CDO1: variants seen among roughly 807,000 people sequenced by gnomAD.
CDO1 encodes cysteine dioxygenase, type I.
A neutral mutation model predicts 24.5 loss-of-function variants in CDO1; 19 were observed. The observed-to-expected ratio is 0.77, with a 90% CI of 0.54 to 1.14. CDO1 has a LOEUF of 1.14. CDO1 is among the 50% of genes most tolerant of loss of function. The probability of loss-of-function intolerance (pLI) is 0.00; values close to 1 mark genes in which losing one functional copy is unlikely to be tolerated. For synonymous variants in CDO1, 91 were observed against 87.0 expected (o/e 1.05, Z -0.26); for missense variants, 244 against 244.8 (o/e 1.00, Z 0.02).
chr5:115,815,266 T>C (rs980451503), intron 1 of CDO1, among the ~76,000 whole-genome samples: 1 of 152,138 alleles, frequency 6.6e-6, no homozygotes, highest in Non-Finnish European at 1.5e-5. Context: ...TCAGAAAAAG[T>C]AGAACCTCTC....
chr5:115,807,063 T>C (rs910287080), intron 3 of CDO1, among the ~76,000 whole-genome samples: 1 of 152,184 alleles, frequency 6.6e-6, no homozygotes, highest in East Asian at 1.9e-4. Context: ...GTCTAGTCTC[T>C]AGAAAGAGTG....
At chr5:115,815,754 G>A (rs1342693850) in intron 1 of CDO1, among the ~76,000 whole-genome samples, 1 of 152,186 alleles carries the variant, frequency 6.6e-6, no homozygotes, top group African/African-American at 2.4e-5. Flanking sequence ...GTGCTCCCCT[G>A]GGAGCACCCT....
chr5:115,810,074 T>C (rs934125799), intron 3 of CDO1, among the ~76,000 whole-genome samples: 3 of 152,224 alleles, frequency 2.0e-5, no homozygotes, highest in African/African-American at 7.2e-5. Flanking sequence ...AAAGTAATTA[T>C]TCTGAAAGGT....
intron 3 of CDO1, among the ~76,000 whole-genome samples, chr5:115,807,370 A>G (rs1241821936): frequency 6.6e-6 from 1 of 152,232 alleles, no homozygotes; most frequent in Non-Finnish European, 1.5e-5. Flanking sequence ...AGGGTTACCA[A>G]TTAATTTTTT....
intron 3 of CDO1, among the ~76,000 whole-genome samples, chr5:115,810,008 AG>A (rs1266278155): frequency 6.6e-6 from 1 of 152,152 alleles, no homozygotes; most frequent in Non-Finnish European, 1.5e-5. Flanking sequence ...ACCTTTAAAA[AG>A]CTTACCTATT....
At chr5:115,813,663 A>C (rs1371566130) in intron 1 of CDO1, among the ~76,000 whole-genome samples, 1 of 151,730 alleles carries the variant, frequency 6.6e-6, no homozygotes, top group South Asian at 2.1e-4. Flanking sequence ...CTAAATCAAG[A>C]CTTGAGAAAC....
rs1441453169 is a variant in CDO1, at chr5:115,816,444, G to GGAGGAGCTGAGCGAGCC, written c.-64_-48dup. On this transcript the variant is annotated 5_prime_UTR_variant, in exon 1 of 5. Transcript: ENST00000250535. ...GCGCGTCTCACTGCTGGGCTGCGGT[G>GGAGGAGCTGAGCGAGCC]GAGGAGCTGAGCGAGCCAAGGAGCT... is the stretch of plus-strand genomic sequence containing the variant. 9.4e-6 allele frequency: 15 copies of GGAGGAGCTGAGCGAGCC among 1,601,640 alleles called. No individual in the cohort carries two copies. Among genetic ancestry groups the GGAGGAGCTGAGCGAGCC allele is most frequent in the Non-Finnish European group, 1.3e-5 (15 of 1,176,662 alleles).
In CDO1 at chr5:115,816,385, C is replaced by G. The variant is rs778876573; in HGVS notation, c.13G>C (p.Glu5Gln). The change falls in exon 1 of 5, where the codon GAA (glutamate) becomes CAA (glutamine). Residue 5 changes from glutamate to glutamine, a missense_variant. Glu to Gln is a conservative substitution (Grantham distance 29). Transcript: ENST00000250535. The stretch of plus-strand genomic sequence containing the variant: ...GCCAGGGTCCGTGGCTTCAGCACTT[C>G]GGTCTGTTCCATCTCGTGGGGAGCT... MEQT[E>Q]VLKPRTLADL... The G allele has an allele frequency of 2.5e-6, 4 of 1,613,290 alleles. No individual in the cohort carries two copies. The highest frequency in any genetic ancestry group is 2.2e-5 in the East Asian group (1 of 44,862).
chr5:115,811,839 A>C (rs1351852015), intron 2 of CDO1, among the ~76,000 whole-genome samples: 1 of 152,178 alleles, frequency 6.6e-6, no homozygotes, highest in Non-Finnish European at 1.5e-5. Flanking sequence ...TATGTGTATT[A>C]CCATCCTAAA....
Position 115,816,457 on chromosome 5 carries a change from G to C in CDO1, c.-60C>G. ...CTGGGCTGCGGTGGAGGAGCTGAGC[G>C]AGCCAAGGAGCTGGGGGCGAGGGAG... On this transcript the variant is annotated 5_prime_UTR_variant, in exon 1 of 5. Coordinates refer to ENST00000250535, the MANE Select transcript of CDO1 (RefSeq NM_001801.3). 1 of 1,580,910 alleles carries C rather than the reference G, an allele frequency of 6.3e-7. No homozygotes were observed. The highest frequency in any genetic ancestry group is 1.7e-5 in the Admixed American group (1 of 59,512).
intron 1 of CDO1, chr5:115,814,333 C>G (rs985280478): frequency 6.6e-6 from 1 of 152,180 alleles, no homozygotes; most frequent in East Asian, 1.9e-4. Context: ...CCTAATTCTT[C>G]CTCCAGAAGT....
At chr5:115,809,407 TCTC>T (rs1760090404) in intron 3 of CDO1, among the ~76,000 whole-genome samples, 1 of 152,008 alleles carries the variant, frequency 6.6e-6, no homozygotes, top group South Asian at 2.1e-4. Flanking sequence ...AGTCCTCCCT[TCTC>T]CTCCACCCTA....
intron 3 of CDO1, among the ~76,000 whole-genome samples, chr5:115,810,102 C>T (rs1176144975): frequency 6.6e-6 from 1 of 152,320 alleles, no homozygotes; most frequent in East Asian, 1.9e-4. Flanking sequence ...TGCTTTACTT[C>T]TGAAATTATT....
At chr5:115,816,066 G>A (rs1332581217) in intron 1 of CDO1, among the ~76,000 whole-genome samples, 162 bp downstream of exon 1, 2 of 152,184 alleles carry the variant, frequency 1.3e-5, no homozygotes, top group Non-Finnish European at 2.9e-5. Context: ...AGCCCCAAGC[G>A]AGTCGTGCCA....
intron 3 of CDO1, among the ~76,000 whole-genome samples, chr5:115,809,963 T>C (rs1368009583): frequency 6.6e-6 from 1 of 152,196 alleles, no homozygotes; most frequent in Non-Finnish European, 1.5e-5. Context: ...ACCACTTCCT[T>C]ATCTGTTGAG....
At chr5:115,812,863 C>G (rs1041303271) in intron 2 of CDO1, among the ~76,000 whole-genome samples, 96 of 151,846 alleles carry the variant, frequency 6.3e-4, no homozygotes, top group African/African-American at 2.3e-3. Flanking sequence ...GCCTAACCAA[C>G]ATGGTGAAAC....
intron 2 of CDO1, 122 bp downstream of exon 2, chr5:115,813,059 A>AAG: frequency 2.0e-6 from 1 of 504,932 alleles, no homozygotes; most frequent in East Asian, 3.7e-5. Context: ...AAAAAAAAAA[A>AAG]AAAAAAAAAA....
At chr5:115,810,677 G>A (rs1760149052) in intron 3 of CDO1, among the ~76,000 whole-genome samples, 1 of 152,156 alleles carries the variant, frequency 6.6e-6, no homozygotes, top group African/African-American at 2.4e-5. Flanking sequence ...GAAAAGATAA[G>A]GAATTCTTGG....
chr5:115,808,422 T>G (rs73780659), intron 3 of CDO1, among the ~76,000 whole-genome samples: 1 of 152,068 alleles, frequency 6.6e-6, no homozygotes, highest in Non-Finnish European at 1.5e-5. Context: ...ATAGAGATAT[T>G]TAAATATATG....
Sources: gnomAD v4.1 joint callset for allele counts (sites outside exome capture counted in the v4.1 genomes callset) on GRCh38, gnomAD v4.1.1 for gene constraint, MANE v1.5 for transcripts, NCBI Gene and HGNC (gene_info 2026-07-23, HGNC 2026-07-21) for gene names.